Variants in SSBP3 observed in about 807,000 individuals in gnomAD.
SSBP3 encodes the protein single-stranded DNA-binding protein 3.
Under a neutral mutation model 69.6 loss-of-function variants are expected in SSBP3, and 5 were observed. The ratio of observed to expected loss-of-function variants is 0.07; its 90% confidence interval spans 0.04 to 0.15. The LOEUF (loss-of-function observed/expected upper bound fraction) is 0.15, where lower values mean the gene tolerates loss of function less well. SSBP3 is among the 10% of genes least tolerant of loss of function. The probability of loss-of-function intolerance (pLI) is 1.00; values close to 1 mark genes in which losing one functional copy is unlikely to be tolerated. For missense variants in SSBP3, 312 were observed against 534.0 expected (o/e 0.58, Z 4.10); for synonymous variants, 196 against 193.4 (o/e 1.01, Z -0.11).
At chr1:54,267,997 G>A (rs1645130508) in intron 5 of SSBP3, among the ~76,000 whole-genome samples, 1 of 152,204 alleles carries the variant, frequency 6.6e-6, no homozygotes, top group Admixed American at 6.5e-5. Context: ...CTCCCAAGCG[G>A]GTGGGACTAC....
chr1:54,325,853 T>G (rs530800597), intron 4 of SSBP3, among the ~76,000 whole-genome samples: 2 of 152,242 alleles, frequency 1.3e-5, no homozygotes, highest in South Asian at 2.1e-4. Context: ...GAACCAAACC[T>G]CTTATCTGCG....
At chr1:54,308,600 CAA>C (rs397862361) in intron 4 of SSBP3, among the ~76,000 whole-genome samples, 82 of 101,072 alleles carry the variant, frequency 8.1e-4, no homozygotes, top group African/African-American at 1.7e-3. Context: ...GACTCCATCT[CAA>C]AAAAAAAAAA....
intron 4 of SSBP3, among the ~76,000 whole-genome samples, chr1:54,304,583 T>C (rs1645863503): frequency 6.6e-6 from 1 of 152,138 alleles, no homozygotes; most frequent in African/African-American, 2.4e-5. Context: ...CAGATAACTC[T>C]GGCAGAAGGT....
chr1:54,295,857 T>C (rs1054946514), intron 4 of SSBP3, among the ~76,000 whole-genome samples: 2 of 152,196 alleles, frequency 1.3e-5, no homozygotes, highest in Admixed American at 6.5e-5. Context: ...TCCCTTAGGC[T>C]ACCCTGGACA....
At chr1:54,382,169 G>C (rs1647704209) in intron 4 of SSBP3, among the ~76,000 whole-genome samples, 1 of 152,200 alleles carries the variant, frequency 6.6e-6, no homozygotes, top group Admixed American at 6.5e-5. Context: ...ACTCCAGCCT[G>C]GGCAATAGAG....
intron 17 of SSBP3, 50 bp downstream of exon 17, chr1:54,228,205 G>C: frequency 6.6e-7 from 1 of 1,523,236 alleles, no homozygotes; most frequent in Non-Finnish European, 9.1e-7. Flanking sequence ...TGTTAGGAAA[G>C]AGTCCCCAGG....
At chr1:54,351,798 C>G (rs1646784503) in intron 4 of SSBP3, among the ~76,000 whole-genome samples, 2 of 152,172 alleles carry the variant, frequency 1.3e-5, no homozygotes, top group South Asian at 2.1e-4. Flanking sequence ...TGTACACCAG[C>G]TGTAGAAACA....
chr1:54,361,509 G>T (rs1646951761), intron 4 of SSBP3, among the ~76,000 whole-genome samples: 1 of 152,136 alleles, frequency 6.6e-6, no homozygotes, highest in African/African-American at 2.4e-5. Context: ...GATAAGCAGA[G>T]AAACACTGCC....
intron 9 of SSBP3, among the ~76,000 whole-genome samples, chr1:54,245,622 A>G (rs980642004): frequency 1.3e-5 from 2 of 152,190 alleles, no homozygotes; most frequent in African/African-American, 4.8e-5. Context: ...CTCAGGAGCA[A>G]CACCAGGCTG....
At chr1:54,381,868 C>A (rs1040220630) in intron 4 of SSBP3, among the ~76,000 whole-genome samples, 1 of 152,258 alleles carries the variant, frequency 6.6e-6, no homozygotes, top group Admixed American at 6.5e-5. Flanking sequence ...GACAAGTCAG[C>A]TGGAACCAAC....
At chr1:54,275,038 C>T (rs753211566) in intron 5 of SSBP3, among the ~76,000 whole-genome samples, 2 of 152,194 alleles carry the variant, frequency 1.3e-5, no homozygotes, top group African/African-American at 4.8e-5. Flanking sequence ...CTGGCCCCAA[C>T]GGTATTCTTC....
intron 4 of SSBP3, among the ~76,000 whole-genome samples, chr1:54,313,141 C>G (rs1646034613): frequency 6.6e-6 from 1 of 150,732 alleles, no homozygotes; most frequent in Non-Finnish European, 1.5e-5. Flanking sequence ...AGTGAACAAT[C>G]CAAGACAATG....
At chr1:54,352,402 T>C (rs1299077558) in intron 4 of SSBP3, among the ~76,000 whole-genome samples, 1 of 152,134 alleles carries the variant, frequency 6.6e-6, no homozygotes, top group Non-Finnish European at 1.5e-5. Flanking sequence ...ACTGGTAAGG[T>C]GGCTTCTTCA....
intron 5 of SSBP3, among the ~76,000 whole-genome samples, chr1:54,264,739 T>C (rs1645072573): frequency 6.6e-6 from 1 of 152,206 alleles, no homozygotes; most frequent in Non-Finnish European, 1.5e-5. Context: ...CAGACGCCAT[T>C]ACCACCCAGC....
At chr1:54,283,902 C>T (rs1313589299) in intron 4 of SSBP3, among the ~76,000 whole-genome samples, 2 of 152,178 alleles carry the variant, frequency 1.3e-5, no homozygotes, top group Non-Finnish European at 2.9e-5. Context: ...GGCTGCATTA[C>T]TGTTTTTCTG....
chr1:54,268,697 A>T (rs541917959), intron 5 of SSBP3, among the ~76,000 whole-genome samples: 2 of 152,242 alleles, frequency 1.3e-5, no homozygotes, highest in South Asian at 4.2e-4. Flanking sequence ...CTCCCTGAGG[A>T]GCTTGGGGAA....
intron 4 of SSBP3, among the ~76,000 whole-genome samples, chr1:54,327,271 A>AGG (rs1553139345): frequency 5.7e-4 from 86 of 151,160 alleles, no homozygotes; most frequent in Non-Finnish European, 6.5e-4. Flanking sequence ...GAAGGAAGGA[A>AGG]AACAACAACA....
At chr1:54,326,254 A>G (rs891860769) in intron 4 of SSBP3, 1 of 152,442 alleles carries the variant, frequency 6.6e-6, no homozygotes, top group Non-Finnish European at 1.5e-5. Flanking sequence ...GGGAGGCAGA[A>G]GCAGGGGAAA....
chr1:54,381,505 A>G (rs187495201), intron 4 of SSBP3, among the ~76,000 whole-genome samples: 130 of 152,192 alleles, frequency 8.5e-4, no homozygotes, highest in African/African-American at 3.1e-3. Context: ...TTTTGCTAGA[A>G]TAACAGCCTT....
Sources: gnomAD v4.1 joint callset for allele counts (sites outside exome capture counted in the v4.1 genomes callset) on GRCh38, gnomAD v4.1.1 for gene constraint, MANE v1.5 for transcripts, NCBI Gene and HGNC (gene_info 2026-07-23, HGNC 2026-07-21) for gene names.